Variants in NBR1 observed in about 807,000 individuals in gnomAD.
NBR1 encodes the protein NBR1 autophagy cargo receptor.
In NBR1, 59 loss-of-function variants were observed where a neutral mutation model predicts 115.5. That is an observed-to-expected ratio of 0.51 (90% CI 0.41 to 0.63). The LOEUF (loss-of-function observed/expected upper bound fraction) is 0.63. Among genes scored for constraint, NBR1 ranks in the 30% least tolerant of loss-of-function variants. The probability of loss-of-function intolerance (pLI) is 0.00; values close to 1 mark genes in which losing one functional copy is unlikely to be tolerated. For synonymous variants in NBR1, 373 were observed against 414.7 expected (o/e 0.90, Z 1.22); for missense variants, 1,043 against 1,150.5 (o/e 0.91, Z 1.35).
intron 2 of NBR1, among the ~76,000 whole-genome samples, chr17:43,177,620 CA>C (rs2056553327): frequency 7.1e-6 from 1 of 141,570 alleles, no homozygotes; most frequent in African/African-American, 2.6e-5. Flanking sequence ...CACACACACA[CA>C]GTTTGGTATT....
intron 14 of NBR1, chr17:43,195,628 A>T (rs1231423934): frequency 2.1e-5 from 3 of 145,072 alleles, no homozygotes; most frequent in Non-Finnish European, 3.0e-5. Context: ...TCCAGCCAGG[A>T]CAACAAGAGC....
intron 20 of NBR1, chr17:43,209,459 C>T (rs2057376214): frequency 4.2e-6 from 4 of 947,454 alleles, no homozygotes; most frequent in Admixed American, 2.1e-5. Context: ...TTGTCCAGCT[C>T]CTCTGCATAT....
chr17:43,197,800 C>T lies in NBR1; in HGVS notation c.2026+694C>T, dbSNP rs538440769. 2.6e-3 allele frequency among the ~76,000 whole-genome samples: 400 copies of T among 152,292 alleles called. 1 individual carries two copies. The highest frequency in any genetic ancestry group is 0.01 in the Middle Eastern group (3 of 294). On this transcript the variant is annotated intron_variant, in intron 16 of 20. Coordinates refer to ENST00000590996, the MANE Select transcript of NBR1 (RefSeq NM_005899.5). ...TCTCCAAGGGCAGCAGTCCCAGAAA[C>T]AGTGGATAGAAGCAGGAGTACCAAC...
chr17:43,195,055 A>T lies in NBR1; in HGVS notation c.1750+16A>T. On this transcript the variant is annotated intron_variant, in intron 14 of 20. Coordinates refer to ENST00000590996, the MANE Select transcript of NBR1 (RefSeq NM_005899.5). ...ACCCCTGTGGGTAAGAATGTCACTC[A>T]TTTCATCTTGTTCGTCTTACTAATA... 6.2e-7 allele frequency: 1 copy of T among 1,605,728 alleles called. No homozygotes were observed. Among genetic ancestry groups the T allele is most frequent in the Non-Finnish European group, 8.5e-7 (1 of 1,172,506 alleles).
intron 4 of NBR1, 110 bp downstream of exon 4, chr17:43,179,522 T>C (rs533467810): frequency 9.6e-7 from 1 of 1,038,444 alleles, no homozygotes; most frequent in Admixed American, 2.0e-5. Context: ...TAGAGTGACA[T>C]TGCACTGATG....
At position 43,196,559 on chromosome 17, in the gene NBR1, A is replaced by G. The variant is rs1417946145; in HGVS notation, c.1829A>G (p.Glu610Gly). ...EKPGLGQIEEENEGAGFKALP... is the reference protein window; with the variant it reads ...EKPGLGQIEEGNEGAGFKALP... ...CCAGGCTTGGGGCAGATAGAGGAAGAGAATGAAGGGGCAGGATTTAAAGCA... is the reference window on the plus strand; with the variant it reads ...CCAGGCTTGGGGCAGATAGAGGAAGGGAATGAAGGGGCAGGATTTAAAGCA... The change falls in exon 15 of 21, where the codon GAG becomes GGG. Residue 610 changes from glutamate (E) to glycine (G), a missense_variant. Coordinates refer to ENST00000590996, the MANE Select transcript of NBR1 (RefSeq NM_005899.5). 1.2e-6 allele frequency: 2 copies of G among 1,605,686 alleles called. No individual in the cohort carries two copies. Among genetic ancestry groups the G allele is most frequent in the African/African-American group, 1.3e-5 (1 of 74,660 alleles).
rs1266760329 is a variant in NBR1 at position 43,181,285 on chromosome 17, A to G, written c.207+468A>G. On this transcript the variant is annotated intron_variant, in intron 5 of 20. Transcript: ENST00000590996. ...AGGGAGACTGATGAATGGGCACGACACTCAGCAAAAGGCAATTCATAATAA... is the reference window on the plus strand; with the variant it reads ...AGGGAGACTGATGAATGGGCACGACGCTCAGCAAAAGGCAATTCATAATAA... Among the ~76,000 whole-genome samples, 17 of 152,226 alleles carry G rather than the reference A, an allele frequency of 1.1e-4. 1 individual carries two copies. Among genetic ancestry groups the G allele is most frequent in the Admixed American group, 1.1e-3 (17 of 15,286 alleles).
chr17:43,204,532 T>G (rs557720758), intron 20 of NBR1, among the ~76,000 whole-genome samples: 1 of 151,656 alleles, frequency 6.6e-6, no homozygotes, highest in African/African-American at 2.4e-5. Flanking sequence ...ATTAGATAAG[T>G]ATGGCCGGTA....
At chr17:43,179,823 T>C (rs1222853004) in intron 4 of NBR1, among the ~76,000 whole-genome samples, 2 of 152,212 alleles carry the variant, frequency 1.3e-5, no homozygotes, top group African/African-American at 4.8e-5. Flanking sequence ...AACCATGTTA[T>C]AGTTGAAGAT....
intron 20 of NBR1, among the ~76,000 whole-genome samples, chr17:43,208,289 G>C (rs376841152): frequency 1.2e-4 from 18 of 152,296 alleles, no homozygotes; most frequent in African/African-American, 4.3e-4. Context: ...AGAGGTTAAT[G>C]ATAAAGATGA....
At position 43,191,511 on chromosome 17, in the gene NBR1, A is replaced by G; in HGVS notation, c.1003A>G (p.Ile335Val). Residue 335 changes from isoleucine (I) to valine (V), a missense_variant, in exon 10 of 21, where the codon ATC becomes GTC. Ile to Val is a conservative substitution (Grantham distance 29). Transcript: ENST00000590996. The part of the protein sequence containing the change: ...LHRKIHLWNS[I>V]HGLQSPKSPL... ...TAGGAAAATTCACCTGTGGAATTCA[A>G]TCCATGGACTCCAGAGCCCCAAGTC... is the stretch of plus-strand genomic sequence containing the variant. 1.9e-6 allele frequency: 3 copies of G among 1,613,354 alleles called. No individual in the cohort carries two copies. The highest frequency in any genetic ancestry group is 1.1e-5 in the South Asian group (1 of 90,924).
intron 18 of NBR1, among the ~76,000 whole-genome samples, chr17:43,202,318 A>G (rs535055139): frequency 6.6e-6 from 1 of 152,204 alleles, no homozygotes; most frequent in East Asian, 1.9e-4. Context: ...CAAACAATCT[A>G]GGTTCCAGCT....
At position 43,203,789 on chromosome 17, in the gene NBR1, C is replaced by T. The variant is rs765846724; in HGVS notation, c.2727+3C>T. The T allele has an allele frequency of 1.6e-5, 25 of 1,559,426 alleles. No homozygotes were observed. Among genetic ancestry groups the T allele is most frequent in the Non-Finnish European group, 1.7e-6 (2 of 1,143,852 alleles). On this transcript the variant is annotated splice_donor_region_variant and intron_variant, in intron 20 of 20. Transcript: ENST00000590996. Reference sequence around the variant, plus strand: ...CTGGGCCACCAGTCACTGCACAGGTCAGTGTGTGTGTTTTATTTTCCTGAA... The same window carrying T: ...CTGGGCCACCAGTCACTGCACAGGTTAGTGTGTGTGTTTTATTTTCCTGAA...
intron 5 of NBR1, 34 bp downstream of exon 5, chr17:43,180,851 T>C: frequency 7.3e-7 from 1 of 1,373,280 alleles, no homozygotes; most frequent in Non-Finnish European, 9.5e-7. Context: ...TTAAATAATT[T>C]AAAAAATATT....
chr17:43,194,059 A>G (rs1354320985), intron 12 of NBR1, among the ~76,000 whole-genome samples: 1 of 152,128 alleles, frequency 6.6e-6, no homozygotes, highest in Non-Finnish European at 1.5e-5. Flanking sequence ...TTTTTAATGC[A>G]ATTTCTCTGT....
At chr17:43,194,139 T>A (rs2057013777) in intron 12 of NBR1, among the ~76,000 whole-genome samples, 1 of 152,212 alleles carries the variant, frequency 6.6e-6, no homozygotes. Context: ...CTATTATAGT[T>A]AATATAAGTT....
Position 43,196,493 on chromosome 17 carries a change from G to T in NBR1, c.1763G>T (p.Cys588Phe). ...CTTCATTCTCCAGATGTGACTCCCTGCATGTCTCCTCTGCCACATGACAGT... is the reference window on the plus strand; with the variant it reads ...CTTCATTCTCCAGATGTGACTCCCTTCATGTCTCCTCTGCCACATGACAGT... ...PHNTPVDVTP[C>F]MSPLPHDSPL... is the part of the protein sequence containing the mutation. Residue 588 changes from cysteine to phenylalanine, a missense_variant, in exon 15 of 21, where the codon TGC becomes TTC. Cys to Phe is a radical substitution (Grantham distance 205). Transcript: ENST00000590996. 1 of 1,582,660 alleles carries T rather than the reference G, an allele frequency of 6.3e-7. No individual in the cohort carries two copies. Among genetic ancestry groups the T allele is most frequent in the Non-Finnish European group, 8.6e-7 (1 of 1,169,016 alleles).
rs911973197 is a variant in NBR1 at position 43,180,018 on chromosome 17, A to C, written c.184+606A>C. On this transcript the variant is annotated intron_variant, in intron 4 of 20. Coordinates refer to ENST00000590996, the MANE Select transcript of NBR1 (RefSeq NM_005899.5). Reference sequence around the variant, plus strand: ...TCTACAGTAGATGCTGTTTGCAACAAAAAGGGAGTTTGTCAGCAAAAAGAT... The same window carrying C: ...TCTACAGTAGATGCTGTTTGCAACACAAAGGGAGTTTGTCAGCAAAAAGAT... 4.6e-5 allele frequency among the ~76,000 whole-genome samples: 7 copies of C among 152,226 alleles called. No individual in the cohort carries two copies. In the East Asian group the frequency reaches 1.3e-3, roughly 29 times the overall value.
At chr17:43,198,124 C>T (rs1004487801) in intron 16 of NBR1, among the ~76,000 whole-genome samples, 10 of 150,598 alleles carry the variant, frequency 6.6e-5, no homozygotes, top group South Asian at 2.1e-4. Context: ...GCCGAGATGG[C>T]GCCATTGCAC....
Sources: gnomAD v4.1 joint callset for allele counts (sites outside exome capture counted in the v4.1 genomes callset) on GRCh38, gnomAD v4.1.1 for gene constraint, MANE v1.5 for transcripts, NCBI Gene and HGNC (gene_info 2026-07-23, HGNC 2026-07-21) for gene names.